Variants in HPRT1 observed in about 807,000 individuals in gnomAD.
HPRT1 encodes the protein hypoxanthine-guanine phosphoribosyltransferase.
HPRT1 carries 4 observed loss-of-function variants against 19.0 expected under a neutral mutation model. That is an observed-to-expected ratio of 0.21 (90% CI 0.10 to 0.48). HPRT1 has a LOEUF of 0.48. Ranked by LOEUF, HPRT1 falls within the 20% of genes least tolerant of loss-of-function variation. The pLI is 0.98. For missense variants in HPRT1, 65 were observed against 164.0 expected, an observed-to-expected ratio of 0.40 and a Z score of 3.30; for synonymous variants, 53 against 54.9, an observed-to-expected ratio of 0.97 and a Z score of 0.15.
chrX:134,466,471 T>C (rs1333694929), intron 1 of HPRT1, among the ~76,000 whole-genome samples: 2 of 107,532 alleles, frequency 1.9e-5, no homozygotes, highest in African/African-American at 3.4e-5. Flanking sequence ...GAAGAGGTCA[T>C]GTGAGCACAC....
In HPRT1 at chrX:134,460,265, G is replaced by C. The variant is rs1382357095; in HGVS notation, c.-47G>C. On this transcript the variant is annotated 5_prime_UTR_variant, in exon 1 of 9. Transcript: ENST00000298556. Reference sequence around the variant, plus strand: ...CCGCCTCCTCCTCTGCTCCGCCACCGGCTTCCTCCTCCTGAGCAGTCAGCC... The same window carrying C: ...CCGCCTCCTCCTCTGCTCCGCCACCCGCTTCCTCCTCCTGAGCAGTCAGCC... 1 of 1,120,184 alleles carries C rather than the reference G, an allele frequency of 8.9e-7. No individual in the cohort carries two copies. Among genetic ancestry groups the C allele is most frequent in the Non-Finnish European group, 1.2e-6 (1 of 851,398 alleles). The allele number at this position is 1,120,184 out of a possible 1,213,427, so 92.3% of individuals were successfully genotyped here. A position where few individuals can be genotyped will look rare whatever the true frequency, so the allele number is the denominator to read the frequency against.
chrX:134,495,677 A>G lies in HPRT1; in HGVS notation c.485+2087A>G, dbSNP rs1285887385. ...AAATTCACTCTTTTAAAGTTGTACA[A>G]TCCAGTGGTTTTTGATATATTCAGA... On this transcript the variant is annotated intron_variant, in intron 6 of 8. Transcript: ENST00000298556. 2.7e-5 allele frequency among the ~76,000 whole-genome samples: 3 copies of G among 111,731 alleles called. 1 individual carries two copies. The highest frequency in any genetic ancestry group is 9.8e-5 in the African/African-American group (3 of 30,725).
In HPRT1 at chrX:134,460,263, C is replaced by G. The variant is rs747134233; in HGVS notation, c.-49C>G. 2.7e-6 allele frequency: 3 copies of G among 1,114,243 alleles called. No individual in the cohort carries two copies. In the African/African-American group the frequency reaches 5.7e-5, roughly 21 times the overall value. The allele number at this position is 1,114,243 out of a possible 1,213,427, so 91.8% of individuals were successfully genotyped here. A position where few individuals can be genotyped will look rare whatever the true frequency, so the allele number is the denominator to read the frequency against. On this transcript the variant is annotated 5_prime_UTR_variant, in exon 1 of 9. Coordinates refer to ENST00000298556, the MANE Select transcript of HPRT1 (RefSeq NM_000194.3). ...CTCCGCCTCCTCCTCTGCTCCGCCA[C>G]CGGCTTCCTCCTCCTGAGCAGTCAG... is the stretch of plus-strand genomic sequence containing the variant.
chrX:134,474,173 A>G (rs1360044896), intron 2 of HPRT1, among the ~76,000 whole-genome samples: 1 of 112,079 alleles, frequency 8.9e-6, no homozygotes, highest in African/African-American at 3.2e-5. Context: ...ATTCTGTCTT[A>G]TGGAGATACC....
At chrX:134,483,422 T>C (rs762469800) in intron 3 of HPRT1, among the ~76,000 whole-genome samples, 2 of 111,568 alleles carry the variant, frequency 1.8e-5, no homozygotes, top group African/African-American at 6.5e-5. Context: ...GTAGACAAAA[T>C]AGAAATAAAG....
intron 1 of HPRT1, among the ~76,000 whole-genome samples, chrX:134,462,715 A>T (rs190378892): frequency 8.9e-6 from 1 of 112,313 alleles, no homozygotes; most frequent in African/African-American, 3.2e-5. Flanking sequence ...TTCTTTGAAC[A>T]TAAGATACTC....
At position 134,473,344 on chromosome X, in the gene HPRT1, AT is replaced by A. The variant is rs754813142; in HGVS notation, c.28-14del. 162 of 937,769 alleles carry A rather than the reference AT, an allele frequency of 1.7e-4. No homozygotes were observed. Among genetic ancestry groups the A allele is most frequent in the Non-Finnish European group, 1.9e-4 (122 of 646,764 alleles). 77.3% of individuals were successfully genotyped at this position (937,769 alleles called of 1,213,427 possible). Reference sequence around the variant, plus strand: ...CTGTAATGCTCTCATTGAAACAGCTATATTTCTTTTTCAGATTAGTGATGAT... The same window carrying A: ...CTGTAATGCTCTCATTGAAACAGCTAATTTCTTTTTCAGATTAGTGATGAT... On this transcript the variant is annotated splice_polypyrimidine_tract_variant and intron_variant, in intron 1 of 8. Coordinates refer to ENST00000298556, the MANE Select transcript of HPRT1 (RefSeq NM_000194.3).
At chrX:134,466,691 T>C (rs1288471705) in intron 1 of HPRT1, among the ~76,000 whole-genome samples, 1 of 111,950 alleles carries the variant, frequency 8.9e-6, no homozygotes, top group Non-Finnish European at 1.9e-5. Context: ...AAGTCACAAA[T>C]AATAAAACAG....
chrX:134,484,438 T>G (rs148426047), intron 3 of HPRT1, among the ~76,000 whole-genome samples: 1 of 111,973 alleles, frequency 8.9e-6, no homozygotes, highest in African/African-American at 3.2e-5. Context: ...AAGGTTGATA[T>G]CAGAAGTCAT....
chrX:134,494,479 G>T (rs1382069035), intron 6 of HPRT1, among the ~76,000 whole-genome samples: 4 of 111,581 alleles, frequency 3.6e-5, no homozygotes, highest in African/African-American at 1.3e-4. Flanking sequence ...TTGAATCAGA[G>T]TAAGCCTTCT....
At chrX:134,493,107 G>T (rs1450393752) in intron 5 of HPRT1, among the ~76,000 whole-genome samples, 1 of 111,649 alleles carries the variant, frequency 9.0e-6, no homozygotes, top group Non-Finnish European at 1.9e-5. Context: ...ATTAATTTGG[G>T]TGCCTTTAAA....
chrX:134,470,913 AAG>A (rs1228383207), intron 1 of HPRT1, among the ~76,000 whole-genome samples: 5 of 106,846 alleles, frequency 4.7e-5, no homozygotes, highest in Admixed American at 1.0e-4. Context: ...AAAAAAAAAA[AAG>A]AGAGAGAAAA....
Position 134,475,162 on chromosome X carries a change from C to T in HPRT1, c.135-19C>T, listed in dbSNP as rs779420522. ...AATGTATGAAACTTTCTATTAAATT[C>T]CTGATTTTATTTCTGTAGGACTGAA... On this transcript the variant is annotated intron_variant, in intron 2 of 8. Transcript: ENST00000298556. The T allele has an allele frequency of 8.5e-7, 1 of 1,172,661 alleles. No individual in the cohort carries two copies. The highest frequency in any genetic ancestry group is 1.2e-6 in the Non-Finnish European group (1 of 861,220).
chrX:134,490,964 T>A (rs1171770128), intron 5 of HPRT1, among the ~76,000 whole-genome samples: 1 of 104,275 alleles, frequency 9.6e-6, no homozygotes, highest in African/African-American at 3.5e-5. Context: ...TCCTGATCAC[T>A]TATCACTAAC....
chrX:134,484,703 T>A (rs2077648315), intron 3 of HPRT1, among the ~76,000 whole-genome samples: 1 of 112,488 alleles, frequency 8.9e-6, no homozygotes, highest in Admixed American at 9.5e-5. Context: ...TGTCTCAGTG[T>A]GCTTTGGATT....
At chrX:134,461,182 G>T (rs2077583095) in intron 1 of HPRT1, among the ~76,000 whole-genome samples, 1 of 111,115 alleles carries the variant, frequency 9.0e-6, no homozygotes, top group South Asian at 3.8e-4. Flanking sequence ...CAAAACCCCG[G>T]CCAGTTAAAT....
chrX:134,487,169 A>G (rs1029001773), intron 4 of HPRT1, among the ~76,000 whole-genome samples: 1 of 111,445 alleles, frequency 9.0e-6, no homozygotes, highest in Non-Finnish European at 1.9e-5. Context: ...GTACCTTAAA[A>G]TTCTCCTAGT....
chrX:134,464,133 G>C (rs922054113), intron 1 of HPRT1, among the ~76,000 whole-genome samples: 1 of 111,712 alleles, frequency 9.0e-6, no homozygotes, highest in African/African-American at 3.3e-5. Context: ...CATGTCCCTA[G>C]AATGAGTAAT....
chrX:134,469,579 A>G (rs1369615681), intron 1 of HPRT1, among the ~76,000 whole-genome samples: 1 of 111,997 alleles, frequency 8.9e-6, no homozygotes, highest in Non-Finnish European at 1.9e-5. Context: ...TCAAATTCTT[A>G]GTCGATCTGC....
Sources: gnomAD v4.1 joint callset for allele counts (sites outside exome capture counted in the v4.1 genomes callset) on GRCh38, gnomAD v4.1.1 for gene constraint, MANE v1.5 for transcripts, NCBI Gene and HGNC (gene_info 2026-07-23, HGNC 2026-07-21) for gene names.